Variants in VGLL4 observed in about 807,000 individuals in gnomAD.
The protein encoded by VGLL4 is vestigial like family member 4.
VGLL4 carries 7 observed loss-of-function variants against 21.0 expected under a neutral mutation model. The observed-to-expected ratio is 0.33, with a 90% CI of 0.19 to 0.63. The LOEUF is 0.63. VGLL4 is among the 20% of genes least tolerant of loss of function. The probability of loss-of-function intolerance (pLI) is 0.78; values close to 1 mark genes in which losing one functional copy is unlikely to be tolerated. For missense variants in VGLL4, 394 were observed against 425.7 expected (o/e 0.93, Z 0.66); for synonymous variants, 222 against 173.2 (o/e 1.28, Z -2.21).
At chr3:11,697,958 T>C (rs2076627598) in intron 2 of VGLL4, among the ~76,000 whole-genome samples, 1 of 152,236 alleles carries the variant, frequency 6.6e-6, no homozygotes, top group Non-Finnish European at 1.5e-5. Flanking sequence ...ATCATCTGCA[T>C]ATTCATTCAA....
chr3:11,659,996 C>T (rs2076015591), intron 2 of VGLL4, among the ~76,000 whole-genome samples: 1 of 151,934 alleles, frequency 6.6e-6, no homozygotes, highest in South Asian at 2.1e-4. Flanking sequence ...CCTGTCTCTA[C>T]TAAAAAATAT....
At chr3:11,629,746 C>CAAAAAA (rs10609918) in intron 1 of VGLL4, among the ~76,000 whole-genome samples, 4 of 85,360 alleles carry the variant, frequency 4.7e-5, no homozygotes, top group Admixed American at 2.6e-4. Flanking sequence ...AGACGGGTCT[C>CAAAAAA]AAAAAAAAAA....
intron 1 of VGLL4, among the ~76,000 whole-genome samples, chr3:11,617,484 C>T (rs1008779140): frequency 6.6e-6 from 1 of 152,192 alleles, no homozygotes; most frequent in African/African-American, 2.4e-5. Flanking sequence ...TGGGTGCACA[C>T]ACCTGAGTCA....
intron 2 of VGLL4, among the ~76,000 whole-genome samples, chr3:11,577,618 T>C (rs367587496): frequency 2.0e-5 from 3 of 152,100 alleles, no homozygotes; most frequent in African/African-American, 7.2e-5. Flanking sequence ...ACTGGAAAGA[T>C]TGGATGCTTT....
intron 3 of VGLL4, among the ~76,000 whole-genome samples, chr3:11,560,126 G>A (rs140457675): frequency 6.6e-6 from 1 of 151,718 alleles, no homozygotes; most frequent in South Asian, 2.1e-4. Context: ...ATCTCTCTCT[G>A]AAGCCTTTCA....
chr3:11,709,519 T>C (rs965493659), intron 1 of VGLL4, among the ~76,000 whole-genome samples: 2 of 151,854 alleles, frequency 1.3e-5, no homozygotes, highest in African/African-American at 4.8e-5. Flanking sequence ...GGTCTATCTA[T>C]TCACCTTTTT....
chr3:11,687,472 T>C (rs2076466440), intron 2 of VGLL4, among the ~76,000 whole-genome samples: 1 of 152,130 alleles, frequency 6.6e-6, no homozygotes, highest in Non-Finnish European at 1.5e-5. Flanking sequence ...GTTTTGTTTT[T>C]GTTTTTGTTT....
intron 1 of VGLL4, 99 bp downstream of exon 1, chr3:11,643,337 CG>C: frequency 6.3e-7 from 1 of 1,589,240 alleles, no homozygotes; most frequent in African/African-American, 1.3e-5. Flanking sequence ...CCCTACACCC[CG>C]GAGGAGGACA....
intron 1 of VGLL4, among the ~76,000 whole-genome samples, chr3:11,714,471 G>T (rs1405086366): frequency 6.6e-6 from 1 of 151,498 alleles, no homozygotes; most frequent in African/African-American, 2.4e-5. Flanking sequence ...CAGGTGGATC[G>T]CTTGAGGCCA....
intron 2 of VGLL4, among the ~76,000 whole-genome samples, chr3:11,669,893 T>C (rs1458183370): frequency 6.6e-6 from 1 of 152,090 alleles, no homozygotes; most frequent in Admixed American, 6.5e-5. Flanking sequence ...TGGCCTCGAG[T>C]GATCTTCTTG....
intron 1 of VGLL4, among the ~76,000 whole-genome samples, chr3:11,714,022 T>C (rs916588072): frequency 2.0e-5 from 3 of 152,124 alleles, no homozygotes; most frequent in Non-Finnish European, 2.9e-5. Flanking sequence ...AGCTAGCAGA[T>C]AGTGCCACCA....
chr3:11,643,954 C>T (rs1324215168), upstream of VGLL4: 6 of 992,938 alleles, frequency 6.0e-6, no homozygotes, highest in Non-Finnish European at 7.2e-6. Context: ...CCTCTTCCCG[C>T]AGGAGGCCGA....
chr3:11,582,344 C>A, intron 2 of VGLL4: 1 of 1,585,492 alleles, frequency 6.3e-7, no homozygotes, highest in Admixed American at 1.8e-5. Context: ...CACAAGAAAG[C>A]CTTGGGCCTC....
intron 2 of VGLL4, among the ~76,000 whole-genome samples, chr3:11,663,292 T>C (rs755113326): frequency 6.6e-6 from 1 of 152,100 alleles, no homozygotes; most frequent in Non-Finnish European, 1.5e-5. Context: ...AGTGGTACAA[T>C]AAAAACAAAG....
At chr3:11,578,218 T>C (rs545076861) in intron 2 of VGLL4, among the ~76,000 whole-genome samples, 13 of 152,370 alleles carry the variant, frequency 8.5e-5, no homozygotes, top group Admixed American at 5.9e-4. Flanking sequence ...TTGCACAGTG[T>C]GGTCACATAA....
chr3:11,690,518 T>C (rs944110855), intron 2 of VGLL4, among the ~76,000 whole-genome samples: 1 of 152,164 alleles, frequency 6.6e-6, no homozygotes, highest in Non-Finnish European at 1.5e-5. Flanking sequence ...AATATTCCTC[T>C]TAATTCTGCT....
intron 2 of VGLL4, among the ~76,000 whole-genome samples, chr3:11,575,799 G>A (rs188673728): frequency 6.6e-6 from 1 of 152,358 alleles, no homozygotes; most frequent in East Asian, 1.9e-4. Context: ...TTCTGAGTGA[G>A]TCTGGGGCCA....
At chr3:11,634,532 C>A (rs866440826) in intron 1 of VGLL4, among the ~76,000 whole-genome samples, 9 of 152,290 alleles carry the variant, frequency 5.9e-5, no homozygotes, top group African/African-American at 2.2e-4. Flanking sequence ...CAAACTGTGA[C>A]AAAAGTTTGT....
chr3:11,676,394 CAAAA>C (rs1219773138), intron 2 of VGLL4, among the ~76,000 whole-genome samples: 1 of 54,358 alleles, frequency 1.8e-5, no homozygotes, highest in African/African-American at 6.0e-5. Context: ...GACTCTGTCT[CAAAA>C]AAAAAAAAAA....
Sources: allele counts gnomAD v4.1 joint callset (sites outside exome capture counted in the v4.1 genomes callset), GRCh38; gene constraint gnomAD v4.1.1; transcripts MANE v1.5; gene names NCBI Gene and HGNC (gene_info 2026-07-23, HGNC 2026-07-21).